The following KLHL1 variants were observed in gnomAD, a reference collection of about 807,000 sequenced individuals.
KLHL1 encodes the protein kelch-like protein 1.
In KLHL1, 47 loss-of-function variants were observed where a neutral mutation model predicts 77.7. The ratio of observed to expected loss-of-function variants is 0.60; its 90% CI spans 0.48 to 0.77. The LOEUF (loss-of-function observed/expected upper bound fraction) is 0.77. Ranked by LOEUF, KLHL1 falls within the 30% of genes least tolerant of loss-of-function variation. The pLI, the probability that KLHL1 is intolerant of heterozygous loss-of-function variation, is 0.00. For synonymous variants in KLHL1, 360 were observed against 325.2 expected (o/e 1.11, Z -1.15); for missense variants, 925 against 910.8 (o/e 1.02, Z -0.20).
intron 1 of KLHL1, among the ~76,000 whole-genome samples, chr13:70,038,642 G>A (rs1886299277): frequency 7.5e-6 from 1 of 132,618 alleles, no homozygotes; most frequent in Non-Finnish European, 1.5e-5. Context: ...AGGGTGGAGT[G>A]TGCAATGATG....
At chr13:70,089,675 AG>A in intron 1 of KLHL1, among the ~76,000 whole-genome samples, 1 of 152,286 alleles carries the variant, frequency 6.6e-6, no homozygotes, top group Admixed American at 6.5e-5. Flanking sequence ...ACATAAATCT[AG>A]GTCCTGCAGA....
chr13:70,086,597 AGAAAGAAAGAAAG>A (rs1566564209), intron 1 of KLHL1, among the ~76,000 whole-genome samples: 112 of 56,950 alleles, frequency 2.0e-3, no homozygotes, highest in East Asian at 3.6e-3. Context: ...AAAAAAAGAA[AGAAAGAAAGAAAG>A]AAAGAAAGAA....
At chr13:70,075,814 G>A (rs1215655220) in intron 1 of KLHL1, among the ~76,000 whole-genome samples, 3 of 144,818 alleles carry the variant, frequency 2.1e-5, no homozygotes, top group East Asian at 4.0e-4. Context: ...TATGATTTTG[G>A]CTAATGAAAG....
intron 4 of KLHL1, among the ~76,000 whole-genome samples, chr13:69,911,806 C>A (rs1286819935): frequency 6.6e-6 from 1 of 152,022 alleles, no homozygotes; most frequent in African/African-American, 2.4e-5. Context: ...TAATCTCTTT[C>A]TTGGTCAATT....
chr13:69,796,614 G>T, intron 7 of KLHL1, 124 bp downstream of exon 7: 1 of 726,740 alleles, frequency 1.4e-6, no homozygotes, highest in Non-Finnish European at 2.2e-6. Flanking sequence ...TAATTACCCA[G>T]GTTCAGGTAT....
chr13:70,041,121 C>T (rs868202740), intron 1 of KLHL1, among the ~76,000 whole-genome samples: 1 of 152,036 alleles, frequency 6.6e-6, no homozygotes, highest in Admixed American at 6.6e-5. Flanking sequence ...TACCTTTGCT[C>T]ATTTTAAAAA....
intron 3 of KLHL1, among the ~76,000 whole-genome samples, chr13:69,949,700 C>T (rs772372025): frequency 6.6e-6 from 1 of 151,656 alleles, no homozygotes; most frequent in Non-Finnish European, 1.5e-5. Context: ...GTCTATTCTC[C>T]ATCATTTATT....
At chr13:70,012,461 C>A (rs540371288) in intron 1 of KLHL1, among the ~76,000 whole-genome samples, 1 of 152,116 alleles carries the variant, frequency 6.6e-6, no homozygotes, top group South Asian at 2.1e-4. Flanking sequence ...GTCTGAGGAA[C>A]CTTCTCCTTC....
At chr13:69,811,737 T>TATC (rs1454670797) in intron 6 of KLHL1, among the ~76,000 whole-genome samples, 4 of 152,166 alleles carry the variant, frequency 2.6e-5, no homozygotes, top group Non-Finnish European at 1.5e-5. Context: ...ACAAAGATTC[T>TATC]ATCAAAAGAC....
At chr13:69,842,220 G>T (rs1296913634) in intron 5 of KLHL1, among the ~76,000 whole-genome samples, 1 of 151,458 alleles carries the variant, frequency 6.6e-6, no homozygotes, top group Non-Finnish European at 1.5e-5. Flanking sequence ...AAAAGCTTCT[G>T]CACAACAAAG....
At chr13:69,888,966 G>A (rs532436719) in intron 4 of KLHL1, among the ~76,000 whole-genome samples, 1 of 151,734 alleles carries the variant, frequency 6.6e-6, no homozygotes, top group Non-Finnish European at 1.5e-5. Context: ...CCTTATGGAG[G>A]ATAGCAAATA....
intron 1 of KLHL1, among the ~76,000 whole-genome samples, chr13:70,101,491 C>T (rs948491955): frequency 1.8e-4 from 27 of 152,060 alleles, no homozygotes; most frequent in African/African-American, 4.1e-4. Flanking sequence ...TGCAGTGGCG[C>T]GATCTCGGCT....
intron 4 of KLHL1, among the ~76,000 whole-genome samples, chr13:69,939,266 T>C (rs1221448981): frequency 6.8e-6 from 1 of 147,532 alleles, no homozygotes; most frequent in East Asian, 2.0e-4. Flanking sequence ...AAATTTAAAC[T>C]GTACAATTGA....
chr13:69,884,645 A>G (rs898145445), intron 4 of KLHL1, among the ~76,000 whole-genome samples: 1 of 152,152 alleles, frequency 6.6e-6, no homozygotes, highest in Non-Finnish European at 1.5e-5. Flanking sequence ...TGTTCAAGGC[A>G]TATTTCATTA....
chr13:69,762,604 G>A (rs1875081212), intron 7 of KLHL1, among the ~76,000 whole-genome samples: 1 of 150,292 alleles, frequency 6.7e-6, no homozygotes, highest in Admixed American at 6.7e-5. Context: ...AATCAGAAGG[G>A]CTGCTCCAGA....
chr13:70,004,452 T>C (rs1485073111), intron 1 of KLHL1, among the ~76,000 whole-genome samples: 4 of 151,954 alleles, frequency 2.6e-5, no homozygotes, highest in African/African-American at 9.7e-5. Context: ...TAGAAGGTTA[T>C]AGCTTGATTC....
chr13:70,054,888 GA>G (rs1393682273), intron 1 of KLHL1, among the ~76,000 whole-genome samples: 1 of 150,780 alleles, frequency 6.6e-6, no homozygotes, highest in Admixed American at 6.6e-5. Flanking sequence ...GGAGACAAAA[GA>G]AAAAAATAAT....
chr13:69,733,467 T>G (rs923687537), intron 8 of KLHL1, among the ~76,000 whole-genome samples: 12 of 152,126 alleles, frequency 7.9e-5, no homozygotes, highest in Non-Finnish European at 1.5e-4. Flanking sequence ...ATGCATTCAC[T>G]TGGAAATGAT....
intron 1 of KLHL1, among the ~76,000 whole-genome samples, chr13:70,036,245 A>G (rs1886236227): frequency 6.6e-6 from 1 of 151,944 alleles, no homozygotes; most frequent in Admixed American, 6.6e-5. Flanking sequence ...TTTATTTATT[A>G]TTTATTATTC....
Sources: gnomAD v4.1 joint callset for allele counts (sites outside exome capture counted in the v4.1 genomes callset) on GRCh38, gnomAD v4.1.1 for gene constraint, MANE v1.5 for transcripts, NCBI Gene and HGNC (gene_info 2026-07-23, HGNC 2026-07-21) for gene names.